Variants in HSPA5 observed in about 807,000 individuals in gnomAD.
HSPA5 encodes the protein heat shock protein family A (Hsp70) member 5.
HSPA5 carries 16 observed loss-of-function variants against 49.5 expected under a neutral mutation model. The ratio of observed to expected loss-of-function variants is 0.32; its 90% CI spans 0.22 to 0.49. The LOEUF (loss-of-function observed/expected upper bound fraction) is 0.49. Ranked by LOEUF, HSPA5 falls within the 20% of genes least tolerant of loss-of-function variation. HSPA5 has a pLI of 0.99. For missense variants in HSPA5, 376 were observed against 819.0 expected (o/e 0.46, Z 6.60); for synonymous variants, 271 against 307.2 (o/e 0.88, Z 1.23).
chr9:125,238,422 T>A, intron 6 of HSPA5, 114 bp from the exon 7 acceptor site: 2 of 1,040,428 alleles, frequency 1.9e-6, no homozygotes, highest in Non-Finnish European at 2.9e-6. Flanking sequence ...GGCAGTGAAT[T>A]AAACAGTTGC....
In HSPA5 at chr9:125,236,688, C is replaced by A. The variant is rs772596266; in HGVS notation, c.1869G>T (p.Leu623=). ...IEDFKAKKKE[L]EEIVQPIISK... ...TGATAATTGGTTGAACAATTTCTTCCAGTTCCTTCTTCTTAGCTTTGAAGT... is the reference window on the plus strand; with the variant it reads ...TGATAATTGGTTGAACAATTTCTTCAAGTTCCTTCTTCTTAGCTTTGAAGT... Residue 623 remains leucine, a synonymous_variant, in exon 8 of 8, where the codon CTG becomes CTT. Transcript: ENST00000324460. 76 of 1,613,622 alleles carry A rather than the reference C, an allele frequency of 4.7e-5. No homozygotes were observed. The Middle Eastern group carries it at 8.2e-4, about 17-fold the overall frequency.
Position 125,240,487 on chromosome 9 carries a change from C to A in HSPA5, c.355-178G>T, listed in dbSNP as rs951830645. On this transcript the variant is annotated intron_variant, in intron 2 of 7. Coordinates refer to ENST00000324460, the MANE Select transcript of HSPA5 (RefSeq NM_005347.5). The surrounding 1 kb of genome is among the most constrained non-coding windows in gnomAD (Gnocchi z 4.4). The stretch of plus-strand genomic sequence containing the variant: ...TTCAGTTTTAATCGGTCTTTTATTC[C>A]TAAACTATCGTAGACAGTACGACAG... Among the ~76,000 whole-genome samples the A allele has an allele frequency of 2.0e-5, 3 of 152,208 alleles. No homozygotes were observed. Among genetic ancestry groups the A allele is most frequent in the Non-Finnish European group, 4.4e-5 (3 of 68,032 alleles).
rs536659372 is a variant in HSPA5, at chr9:125,239,661, C to A, written c.493-128G>T. The A allele has an allele frequency of 2.5e-4, 173 of 688,376 alleles. 1 individual carries two copies. In the South Asian group the frequency reaches 2.8e-3, roughly 11 times the overall value. 42.6% of individuals were successfully genotyped at this position (688,376 alleles called of 1,614,324 possible). A position where few individuals can be genotyped will look rare whatever the true frequency, so the allele number is the denominator to read the frequency against. On this transcript the variant is annotated intron_variant, in intron 3 of 7. Transcript: ENST00000324460. The surrounding 1 kb of genome is among the most constrained non-coding windows in gnomAD (Gnocchi z 5.5). Reference sequence around the variant, plus strand: ...TGGGAGGCTGAGGCAGGAGGATCACCTGAGGGCAGGATTTCAAGACCAGCC... The same window carrying A: ...TGGGAGGCTGAGGCAGGAGGATCACATGAGGGCAGGATTTCAAGACCAGCC...
chr9:125,238,085 G>C, intron 7 of HSPA5, 56 bp downstream of exon 7: 4 of 1,423,206 alleles, frequency 2.8e-6, no homozygotes, highest in Non-Finnish European at 3.9e-6. Flanking sequence ...CTGGGCAACA[G>C]AGCAAGACTT....
rs1832497126 is a variant in HSPA5 at position 125,236,506 on chromosome 9, T to C, written c.*86A>G. 2.1e-6 allele frequency: 2 copies of C among 956,444 alleles called. No individual in the cohort carries two copies. The highest frequency in any genetic ancestry group is 5.9e-5 in the Admixed American group (2 of 34,118). The allele number at this position is 956,444 out of a possible 1,614,324, so 59.2% of individuals were successfully genotyped here. On this transcript the variant is annotated 3_prime_UTR_variant, in exon 8 of 8. Transcript: ENST00000324460. Reference sequence around the variant, plus strand: ...CTCTGAGGTGAAGATTCCAATTACATTCGAGACTTAAGTTCTTTCAATTTT... The same window carrying C: ...CTCTGAGGTGAAGATTCCAATTACACTCGAGACTTAAGTTCTTTCAATTTT...
rs1832562924 is a variant in HSPA5, at chr9:125,241,283, C to T, written c.-157G>A. On this transcript the variant is annotated 5_prime_UTR_variant, in exon 1 of 8. Transcript: ENST00000324460. ...CTAGAAATACAGGCCGCGGCGCTTC[C>T]CTCTCACACTCGCGAAACACCCCAA... 2.5e-6 allele frequency: 2 copies of T among 800,152 alleles called. No individual in the cohort carries two copies. Among genetic ancestry groups the T allele is most frequent in the Non-Finnish European group, 2.0e-6 (1 of 512,758 alleles). 49.6% of individuals were successfully genotyped at this position (800,152 alleles called of 1,614,324 possible). A position where few individuals can be genotyped will look rare whatever the true frequency, so the allele number is the denominator to read the frequency against.
rs754770624 is a variant in HSPA5 at position 125,240,939 on chromosome 9, C to T, written c.123-32G>A. On this transcript the variant is annotated intron_variant, in intron 1 of 7. Transcript: ENST00000324460. This position sits in a 1 kb window ranked among gnomAD's most constrained non-coding sequence, Gnocchi z 4.4. ...GAAAAACCCGACAGAGGGACATCAG[C>T]ACCGCACTTCTCACGCCAGGCCAGG... is the stretch of plus-strand genomic sequence containing the variant. 102 of 1,612,654 alleles carry T rather than the reference C, an allele frequency of 6.3e-5. No individual in the cohort carries two copies. Among genetic ancestry groups the T allele is most frequent in the Non-Finnish European group, 2.5e-6 (3 of 1,178,916 alleles).
At position 125,240,363 on chromosome 9, in the gene HSPA5, T is replaced by C. The variant is rs145369543; in HGVS notation, c.355-54A>G. 4.0e-6 allele frequency: 6 copies of C among 1,496,786 alleles called. No homozygotes were observed. In the East Asian group the frequency reaches 1.4e-4, roughly 34 times the overall value. 92.7% of individuals were successfully genotyped at this position (1,496,786 alleles called of 1,614,324 possible). A position where few individuals can be genotyped will look rare whatever the true frequency, so the allele number is the denominator to read the frequency against. The stretch of plus-strand genomic sequence containing the variant: ...ACAGATACAATGACATCTCAAAGTT[T>C]AAAAGACCCACTACCATCCCCACAA... On this transcript the variant is annotated intron_variant, in intron 2 of 7. Coordinates refer to ENST00000324460, the MANE Select transcript of HSPA5 (RefSeq NM_005347.5). The surrounding 1 kb of genome is among the most constrained non-coding windows in gnomAD (Gnocchi z 4.4).
At position 125,235,614 on chromosome 9, in the gene HSPA5, G is replaced by A. The variant is rs2131451651; in HGVS notation, c.*978C>T. 1 of 152,124 alleles carries A rather than the reference G, an allele frequency of 6.6e-6. No homozygotes were observed. The highest frequency in any genetic ancestry group is 6.6e-5 in the Admixed American group (1 of 15,252). 9.4% of individuals were successfully genotyped at this position (152,124 alleles called of 1,614,324 possible). ...CATTGCCTTTAACAACCCATTCATA[G>A]TGAGGGGATTTAGTGTAGTTTCAAT... On this transcript the variant is annotated 3_prime_UTR_variant, in exon 8 of 8. Coordinates refer to ENST00000324460, the MANE Select transcript of HSPA5 (RefSeq NM_005347.5).
In HSPA5 at chr9:125,236,082, TA is replaced by T. The variant is rs34358468; in HGVS notation, c.*509del. ...AAGGATCACTTGGGCCCAGGAGGGTTAAAAAAAAAAAAAAAAATCCCTGGAA... is the reference window on the plus strand; with the variant it reads ...AAGGATCACTTGGGCCCAGGAGGGTTAAAAAAAAAAAAAAAATCCCTGGAA... On this transcript the variant is annotated 3_prime_UTR_variant, in exon 8 of 8. Coordinates refer to ENST00000324460, the MANE Select transcript of HSPA5 (RefSeq NM_005347.5). The T allele has an allele frequency of 2.9e-3, 412 of 141,004 alleles. No homozygotes were observed. The highest frequency in any genetic ancestry group is 3.4e-3 in the South Asian group (15 of 4,422). The allele number at this position is 141,004 out of a possible 1,614,324, so 8.7% of individuals were successfully genotyped here.
chr9:125,237,179 TGTTA>T (rs750401111), intron 7 of HSPA5, 25 bp from the exon 8 acceptor site: 11 of 1,533,422 alleles, frequency 7.2e-6, no homozygotes, highest in South Asian at 7.2e-5. Flanking sequence ...CAGAAAAACT[TGTTA>T]GTTGTTACTG....
rs1564206399 is a variant in HSPA5 at position 125,236,353 on chromosome 9, C to G, written c.*239G>C. On this transcript the variant is annotated 3_prime_UTR_variant, in exon 8 of 8. Coordinates refer to ENST00000324460, the MANE Select transcript of HSPA5 (RefSeq NM_005347.5). ...AACATTTTGAAGGTGAACACACACC[C>G]TAACCCAGGTTTTTTACCCGCTTTT... The G allele has an allele frequency of 4.2e-6, 2 of 474,546 alleles. No homozygotes were observed. Among genetic ancestry groups the G allele is most frequent in the Non-Finnish European group, 7.4e-6 (2 of 270,610 alleles). The allele number at this position is 474,546 out of a possible 1,614,324, so 29.4% of individuals were successfully genotyped here. A position where few individuals can be genotyped will look rare whatever the true frequency, so the allele number is the denominator to read the frequency against.
Position 125,240,679 on chromosome 9 carries a change from G to A in HSPA5, c.351C>T (p.Phe117=). The A allele has an allele frequency of 2.5e-6, 4 of 1,610,434 alleles. No homozygotes were observed. The highest frequency in any genetic ancestry group is 3.3e-5 in the Admixed American group (2 of 59,932). ...SVQQDIKFLP[F]KVVEKKTKPY... is the part of the protein sequence containing the mutation. ...GATGAGAAAAACCCGGTCGAACCTT[G>A]AACGGCAAGAACTTGATGTCCTGCT... Residue 117 remains phenylalanine (F), a synonymous_variant, in exon 2 of 8, where the codon TTC becomes TTT. Transcript: ENST00000324460. The surrounding 1 kb of genome is among the most constrained non-coding windows in gnomAD (Gnocchi z 4.4).
rs138181123 is a variant in HSPA5 at position 125,239,184 on chromosome 9, A to G, written c.753T>C (p.Thr251=). 3.5e-4 allele frequency: 559 copies of G among 1,614,080 alleles called. 1 individual carries two copies. The Middle Eastern group carries it at 0.013, about 38-fold the overall frequency. ...GGTCAAAGTCTTCTCCACCCAGATGAGTATCTCCATTAGTGGCCACAACTT... is the reference window on the plus strand; with the variant it reads ...GGTCAAAGTCTTCTCCACCCAGATGGGTATCTCCATTAGTGGCCACAACTT... The part of the protein sequence containing the change: ...VFEVVATNGD[T]HLGGEDFDQR... Residue 251 remains threonine (T), a synonymous_variant, in exon 5 of 8, where the codon ACT becomes ACC. Transcript: ENST00000324460. The surrounding 1 kb of genome is among the most constrained non-coding windows in gnomAD (Gnocchi z 5.5).
chr9:125,240,802 A>T lies in HSPA5; in HGVS notation c.228T>A (p.Ile76=), dbSNP rs771904357. Residue 76 remains isoleucine (I), a synonymous_variant, in exon 2 of 8, where the codon ATT becomes ATA. Transcript: ENST00000324460. This position sits in a 1 kb window ranked among gnomAD's most constrained non-coding sequence, Gnocchi z 4.4. ...VAFTPEGERL[I]GDAAKNQLTS... ...TGAGCTGGTTCTTGGCGGCATCGCCAATCAGACGTTCCCCTTCAGGAGTGA... is the reference window on the plus strand; with the variant it reads ...TGAGCTGGTTCTTGGCGGCATCGCCTATCAGACGTTCCCCTTCAGGAGTGA... 24 of 1,614,132 alleles carry T rather than the reference A, an allele frequency of 1.5e-5. No individual in the cohort carries two copies. The South Asian group carries it at 2.5e-4, about 17-fold the overall frequency.
chr9:125,238,389 G>T, intron 6 of HSPA5, 81 bp from the exon 7 acceptor site: 1 of 1,284,784 alleles, frequency 7.8e-7, no homozygotes, highest in Non-Finnish European at 1.1e-6. Context: ...CATTTGGTTA[G>T]GTTCTAACAC....
In HSPA5 at chr9:125,241,089, A is replaced by G. The variant is rs1452694680; in HGVS notation, c.38T>C (p.Leu13Pro). Residue 13 changes from leucine to proline, a missense_variant, in exon 1 of 8, where the codon CTC becomes CCC. This residue lies in a region of HSPA5 where 29 missense variants were observed against 38.7 expected (regional missense o/e 0.75). Coordinates refer to ENST00000324460, the MANE Select transcript of HSPA5 (RefSeq NM_005347.5). ...CTCCTCCTCGGCCCGCGCCGCGCTG[A>G]GCAGCAGCAGCATCGCGGCCACCAG... is the stretch of plus-strand genomic sequence containing the variant. ...LSLVAAMLLL[L>P]SAARAEEEDK... 1 of 1,613,028 alleles carries G rather than the reference A, an allele frequency of 6.2e-7. No individual in the cohort carries two copies.
Position 125,239,815 on chromosome 9 carries a change from G to T in HSPA5, c.493-282C>A, listed in dbSNP as rs1040810477. 7.2e-5 allele frequency among the ~76,000 whole-genome samples: 11 copies of T among 151,822 alleles called. No homozygotes were observed. Among genetic ancestry groups the T allele is most frequent in the African/African-American group, 2.7e-4 (11 of 41,328 alleles). On this transcript the variant is annotated intron_variant, in intron 3 of 7. Coordinates refer to ENST00000324460, the MANE Select transcript of HSPA5 (RefSeq NM_005347.5). This position sits in a 1 kb window ranked among gnomAD's most constrained non-coding sequence, Gnocchi z 5.5. Reference sequence around the variant, plus strand: ...AGGCAGGAGAGCTGCTTGAACCCGGGAGGCAGAGGTTGCAGTGAGCTGAGA... The same window carrying T: ...AGGCAGGAGAGCTGCTTGAACCCGGTAGGCAGAGGTTGCAGTGAGCTGAGA...
At position 125,239,495 on chromosome 9, in the gene HSPA5, A is replaced by G. The variant is rs1564207730; in HGVS notation, c.531T>C (p.Asn177=). The change falls in exon 4 of 8, where the codon AAT becomes AAC. Residue 177 remains asparagine (N), a synonymous_variant. Transcript: ENST00000324460. This position sits in a 1 kb window ranked among gnomAD's most constrained non-coding sequence, Gnocchi z 5.5. ...HAVVTVPAYF[N]DAQRQATKDA... ...CTTTGGTTGCTTGGCGTTGGGCATC[A>G]TTAAAATAGGCTGGTACAGTAACAA... is the stretch of plus-strand genomic sequence containing the variant. The G allele has an allele frequency of 6.2e-7, 1 of 1,614,158 alleles. No individual in the cohort carries two copies. The highest frequency in any genetic ancestry group is 8.5e-7 in the Non-Finnish European group (1 of 1,179,982).
Sources: allele counts gnomAD v4.1 joint callset (sites outside exome capture counted in the v4.1 genomes callset), GRCh38; gene constraint gnomAD v4.1.1; regional missense constraint gnomAD v4.1.1; non-coding constraint Gnocchi (gnomAD v3.1); transcripts MANE v1.5; gene names NCBI Gene and HGNC (gene_info 2026-07-23, HGNC 2026-07-21).